TYW1B: variants seen among roughly 807,000 people sequenced by gnomAD.
TYW1B encodes the protein S-adenosyl-L-methionine-dependent tRNA 4-demethylwyosine synthase TYW1B.
A neutral mutation model predicts 86.9 loss-of-function variants in TYW1B; 73 were observed. The observed-to-expected ratio is 0.84, with a 90% CI of 0.70 to 1.02. The LOEUF (loss-of-function observed/expected upper bound fraction) is 1.02. Ranked by LOEUF, TYW1B falls within the 50% of genes least tolerant of loss-of-function variation. The probability of loss-of-function intolerance (pLI) is 0.00; values close to 1 mark genes in which losing one functional copy is unlikely to be tolerated. For synonymous variants in TYW1B, 248 were observed against 292.8 expected (o/e 0.85, Z 1.56); for missense variants, 637 against 827.4 (o/e 0.77, Z 2.82).
intron 13 of TYW1B, among the ~76,000 whole-genome samples, chr7:72,598,332 G>A (rs575643984): frequency 6.6e-6 from 1 of 152,172 alleles, no homozygotes; most frequent in Non-Finnish European, 1.5e-5. Flanking sequence ...TCAGCTTGCA[G>A]ACAGCTTATT....
In TYW1B at chr7:72,642,439, G is replaced by A. The variant is rs2960989; in HGVS notation, c.1507-13442C>T. ...ACTATATGACCCAGTAATTTTACTCGTAAGTGTGAACTGAAACATATATTC... is the reference window on the plus strand; with the variant it reads ...ACTATATGACCCAGTAATTTTACTCATAAGTGTGAACTGAAACATATATTC... On this transcript the variant is annotated intron_variant, in intron 11 of 13. Coordinates refer to ENST00000620995, the MANE Select transcript of TYW1B (RefSeq NM_001145440.3). Among the ~76,000 whole-genome samples the A allele has an allele frequency of 5.8e-4, 88 of 152,254 alleles. 1 individual carries two copies. The highest frequency in any genetic ancestry group is 1.7e-3 in the African/African-American group (69 of 41,536).
chr7:72,597,769 A>G (rs565199325), intron 13 of TYW1B, among the ~76,000 whole-genome samples: 1 of 152,316 alleles, frequency 6.6e-6, no homozygotes, highest in African/African-American at 2.4e-5. Context: ...AAAAATACAC[A>G]TTACAAAAAA....
chr7:72,623,411 C>G (rs1353052621), intron 12 of TYW1B, among the ~76,000 whole-genome samples: 2 of 152,028 alleles, frequency 1.3e-5, no homozygotes, highest in African/African-American at 2.4e-5. Context: ...AATTCCAAGG[C>G]CATTTGAGGG....
chr7:72,625,301 G>T (rs1283652258), intron 12 of TYW1B, among the ~76,000 whole-genome samples: 3 of 151,998 alleles, frequency 2.0e-5, no homozygotes, highest in Admixed American at 6.6e-5. Context: ...ATGGAAATTT[G>T]GAAAGAAAAC....
rs1273641490 is a variant in TYW1B at position 72,574,625 on chromosome 7, C to G, written c.*873G>C. 2.1e-5 allele frequency: 21 copies of G among 985,196 alleles called. No individual in the cohort carries two copies. The highest frequency in any genetic ancestry group is 2.4e-5 in the Non-Finnish European group (20 of 829,912). 61.0% of individuals were successfully genotyped at this position (985,196 alleles called of 1,614,324 possible). A position where few individuals can be genotyped will look rare whatever the true frequency, so the allele number is the denominator to read the frequency against. ...TATGATCTTTCCAACTTGAAAACAC[C>G]TGAACCTTATAGAACAGATTGTGTA... On this transcript the variant is annotated 3_prime_UTR_variant, in exon 14 of 14. Coordinates refer to ENST00000620995, the MANE Select transcript of TYW1B (RefSeq NM_001145440.3).
At position 72,694,735 on chromosome 7, in the gene TYW1B, CT is replaced by C. The variant is rs782805468; in HGVS notation, c.1457del (p.Lys486ArgfsTer11). The C allele has an allele frequency of 3.7e-6, 6 of 1,613,734 alleles. No homozygotes were observed. In the Admixed American group the frequency reaches 1.0e-4, roughly 27 times the overall value. ...SLKKIDRPLF[K>X]DFWQQFLDSL... ...TGTCAAGGAATTGCTGCCAGAAATC[CT>C]TGAAGAGTGGGCGGTCGATTTTCTT... On this transcript the variant is annotated frameshift_variant, in exon 11 of 14. Transcript: ENST00000620995. LOFTEE classifies it high-confidence loss of function.
intron 6 of TYW1B, among the ~76,000 whole-genome samples, chr7:72,795,264 C>T (rs1788285818): frequency 6.6e-6 from 1 of 151,986 alleles, no homozygotes; most frequent in African/African-American, 2.4e-5. Flanking sequence ...CAAAAAAATC[C>T]ACTGCAAATT....
intron 10 of TYW1B, among the ~76,000 whole-genome samples, chr7:72,712,055 G>C (rs1224502547): frequency 1.3e-5 from 2 of 151,930 alleles, no homozygotes; most frequent in African/African-American, 4.8e-5. Flanking sequence ...CCTAGTCCCA[G>C]TATGACACAA....
At chr7:72,675,059 A>G (rs1427463502) in intron 11 of TYW1B, among the ~76,000 whole-genome samples, 1 of 152,090 alleles carries the variant, frequency 6.6e-6, no homozygotes, top group Non-Finnish European at 1.5e-5. Context: ...TGGAGGAAGG[A>G]GTTTGCTTGA....
intron 13 of TYW1B, among the ~76,000 whole-genome samples, chr7:72,593,819 CTAAA>C (rs1554432061): frequency 1.8e-5 from 1 of 55,652 alleles, no homozygotes; most frequent in African/African-American, 9.3e-5. Context: ...CAGACTCCAT[CTAAA>C]AAAAAAAAAA....
At position 72,826,969 on chromosome 7, in the gene TYW1B, T is replaced by C. The variant is rs782782481; in HGVS notation, c.21A>G (p.Thr7=). The part of the protein sequence containing the change: MDPSAD[T]WDLSSPLISL... ...ATATTAAAGGTGAGGAGAGGTCCCA[T>C]GTATCCGCAGAAGGATCTAAATTTA... The change falls in exon 2 of 14, where the codon ACA becomes ACG. Residue 7 remains threonine, a synonymous_variant. Transcript: ENST00000620995. The C allele has an allele frequency of 9.9e-6, 16 of 1,610,700 alleles. No homozygotes were observed. Among genetic ancestry groups the C allele is most frequent in the Non-Finnish European group, 1.4e-5 (16 of 1,179,110 alleles).
chr7:72,672,507 C>CACACACACACACA lies in TYW1B; in HGVS notation c.1506+22179_1506+22180insTGTGTGTGTGTGT, dbSNP rs1813633828. On this transcript the variant is annotated intron_variant, in intron 11 of 13. Transcript: ENST00000620995. ...ACACACACACACACACACACACACA[C>CACACACACACACA]ACCTGTATACACAGGTATGTAATAT... Among the ~76,000 whole-genome samples, 5 of 150,988 alleles carry CACACACACACACA rather than the reference C, an allele frequency of 3.3e-5. No homozygotes were observed. In the South Asian group the frequency reaches 1.0e-3, roughly 32 times the overall value.
At chr7:72,812,161 T>C (rs1788633889) in intron 3 of TYW1B, among the ~76,000 whole-genome samples, 1 of 150,906 alleles carries the variant, frequency 6.6e-6, no homozygotes, top group South Asian at 2.1e-4. Context: ...TAAATCTGCA[T>C]ATACATAATG....
chr7:72,807,029 G>T (rs553378314), intron 5 of TYW1B, 37 bp downstream of exon 5: 2 of 1,594,358 alleles, frequency 1.3e-6, no homozygotes, highest in African/African-American at 1.3e-5. Flanking sequence ...CAAGCAGAGG[G>T]GGAAAGCATC....
chr7:72,710,169 G>A (rs1786610662), intron 10 of TYW1B, among the ~76,000 whole-genome samples: 1 of 151,982 alleles, frequency 6.6e-6, no homozygotes, highest in South Asian at 2.1e-4. Context: ...ATCTTCTCTG[G>A]TTATCATTTT....
chr7:72,768,255 T>A (rs528648741), intron 7 of TYW1B, among the ~76,000 whole-genome samples: 1,891 of 150,680 alleles, frequency 0.013, 38 homozygotes, highest in African/African-American at 0.043. Flanking sequence ...AAAAAAAAAA[T>A]TTTAAAAAAT....
chr7:72,734,027 G>A (rs1320636884), intron 8 of TYW1B, among the ~76,000 whole-genome samples: 1 of 152,084 alleles, frequency 6.6e-6, no homozygotes. Flanking sequence ...GGGAGGCCGA[G>A]GCAGGCAGAT....
At chr7:72,825,255 G>A (rs1430817585) in intron 2 of TYW1B, among the ~76,000 whole-genome samples, 12 of 152,120 alleles carry the variant, frequency 7.9e-5, no homozygotes, top group Non-Finnish European at 1.2e-4. Flanking sequence ...ACTACAGCCA[G>A]ACACTGTTCC....
intron 8 of TYW1B, among the ~76,000 whole-genome samples, chr7:72,736,057 A>G (rs1189691732): frequency 2.6e-5 from 4 of 152,222 alleles, no homozygotes; most frequent in Non-Finnish European, 5.9e-5. Flanking sequence ...CAGAAAGGGT[A>G]CACTCGCCAG....
Sources: gnomAD v4.1 joint callset for allele counts (sites outside exome capture counted in the v4.1 genomes callset) on GRCh38, gnomAD v4.1.1 for gene constraint, MANE v1.5 for transcripts, NCBI Gene and HGNC (gene_info 2026-07-23, HGNC 2026-07-21) for gene names.